Variants in DENND1A observed in about 807,000 individuals in gnomAD.
DENND1A encodes the protein DENN domain containing 1A.
DENND1A carries 51 observed loss-of-function variants against 113.7 expected under a neutral mutation model. The observed-to-expected ratio is 0.45, with a 90% CI of 0.36 to 0.57. DENND1A has a LOEUF of 0.57. Among genes scored for constraint, DENND1A ranks in the 20% least tolerant of loss-of-function variants. The pLI is 0.00. For synonymous variants in DENND1A, 565 were observed against 570.8 expected, an observed-to-expected ratio of 0.99 and a Z score of 0.14; for missense variants, 1,258 against 1,395.9, an observed-to-expected ratio of 0.90 and a Z score of 1.57.
intron 10 of DENND1A, among the ~76,000 whole-genome samples, chr9:123,619,578 C>T (rs985424564): frequency 2.0e-5 from 3 of 152,128 alleles, no homozygotes; most frequent in Non-Finnish European, 2.9e-5. Context: ...CACCATCACA[C>T]CTGGCTAATT....
intron 7 of DENND1A, 24 bp from the exon 8 acceptor site, chr9:123,667,103 T>C (rs1348801746): frequency 2.5e-6 from 4 of 1,586,856 alleles, no homozygotes; most frequent in African/African-American, 1.4e-5. Context: ...GCAAAAGTGA[T>C]TTATTTCTGC....
At chr9:123,478,745 C>G (rs1256812912) in intron 13 of DENND1A, among the ~76,000 whole-genome samples, 6 of 152,174 alleles carry the variant, frequency 3.9e-5, no homozygotes, top group Non-Finnish European at 2.9e-5. Flanking sequence ...CAGGTATTCA[C>G]CATAAAATTC....
intron 19 of DENND1A, among the ~76,000 whole-genome samples, chr9:123,437,177 A>G (rs1430820463): frequency 6.6e-6 from 1 of 152,116 alleles, no homozygotes; most frequent in African/African-American, 2.4e-5. Flanking sequence ...TATGCCCCAC[A>G]ATGGTAGGGA....
chr9:123,728,337 C>T (rs139402812), intron 5 of DENND1A, among the ~76,000 whole-genome samples: 3 of 151,312 alleles, frequency 2.0e-5, no homozygotes, highest in East Asian at 2.0e-4. Context: ...ATTAGCCAGG[C>T]GTGGTGGCAC....
chr9:123,381,477 T>TGGGGCCGGGGCC lies in DENND1A; in HGVS notation c.3156_3167dup (p.Ala1053_Pro1056dup), dbSNP rs751587146. 1.6e-5 allele frequency: 26 copies of TGGGGCCGGGGCC among 1,613,344 alleles called. No individual in the cohort carries two copies. In the African/African-American group the frequency reaches 2.3e-4, roughly 14 times the overall value. ...GCTTCCTGAGCTGCTCCACCGAGTC[T>TGGGGCCGGGGCC]GGGGCCGGGGCCAGGGCCGGACTCG... On this transcript the variant is annotated inframe_insertion, in exon 24 of 24. Coordinates refer to ENST00000394215, the MANE Select transcript of DENND1A (RefSeq NM_001352964.2). The surrounding 1 kb of genome is among the most constrained non-coding windows in gnomAD (Gnocchi z 4.7).
intron 9 of DENND1A, among the ~76,000 whole-genome samples, chr9:123,648,363 C>T (rs1037238871): frequency 1.3e-5 from 2 of 152,206 alleles, no homozygotes; most frequent in Non-Finnish European, 2.9e-5. Flanking sequence ...AGGTGTAAGT[C>T]ATTGTGCCCA....
At chr9:123,860,089 G>A (rs995721061) in intron 2 of DENND1A, among the ~76,000 whole-genome samples, 6 of 152,238 alleles carry the variant, frequency 3.9e-5, no homozygotes, top group Non-Finnish European at 8.8e-5. Context: ...GGAAAGAGAA[G>A]GTGCACGCCT....
intron 2 of DENND1A, among the ~76,000 whole-genome samples, chr9:123,845,467 C>A (rs1272654236): frequency 1.3e-5 from 2 of 151,730 alleles, no homozygotes; most frequent in African/African-American, 4.8e-5. Context: ...GAGTTCAAGA[C>A]CAGCCTGGCC....
chr9:123,564,980 C>CTTTTTTTT lies in DENND1A; in HGVS notation c.868-7293_868-7286dup, dbSNP rs199613371. Among the ~76,000 whole-genome samples the CTTTTTTTT allele has an allele frequency of 4.7e-3, 353 of 75,706 alleles. 16 individuals carry two copies. Among genetic ancestry groups the CTTTTTTTT allele is most frequent in the Non-Finnish European group, 5.6e-3 (225 of 40,232 alleles). The allele number at this position is 75,706 out of a possible 152,430, so 49.7% of individuals were successfully genotyped here. On this transcript the variant is annotated intron_variant, in intron 12 of 23. Coordinates refer to ENST00000394215, the MANE Select transcript of DENND1A (RefSeq NM_001352964.2). ...AGAATCCAATTAATGTCTGTCCCTT[C>CTTTTTTTT]TTTTTTTTTTTTTTTTTTTTTTTTT...
At chr9:123,614,826 C>G (rs969029735) in intron 10 of DENND1A, among the ~76,000 whole-genome samples, 10 of 152,142 alleles carry the variant, frequency 6.6e-5, no homozygotes, top group African/African-American at 1.7e-4. Flanking sequence ...AATTAAATAC[C>G]CTGATCAGGC....
chr9:123,911,083 C>G (rs1853863147), intron 1 of DENND1A, among the ~76,000 whole-genome samples: 1 of 152,104 alleles, frequency 6.6e-6, no homozygotes, highest in Non-Finnish European at 1.5e-5. Flanking sequence ...AAGAAAAGAA[C>G]AGAGAACATA....
chr9:123,830,529 G>A (rs905081023), intron 2 of DENND1A, among the ~76,000 whole-genome samples: 2 of 151,888 alleles, frequency 1.3e-5, no homozygotes, highest in African/African-American at 2.4e-5. Context: ...TATAGCCACC[G>A]TGGTACTGAA....
At chr9:123,595,953 C>T (rs2059670035) in intron 11 of DENND1A, among the ~76,000 whole-genome samples, 1 of 152,182 alleles carries the variant, frequency 6.6e-6, no homozygotes, top group African/African-American at 2.4e-5. Context: ...TCTGACTCTG[C>T]TGGTGTTTTG....
intron 13 of DENND1A, among the ~76,000 whole-genome samples, chr9:123,513,285 G>C (rs992577782): frequency 6.6e-6 from 1 of 152,230 alleles, no homozygotes; most frequent in Non-Finnish European, 1.5e-5. Flanking sequence ...CAGAGACTGA[G>C]ATTGGAAGCC....
chr9:123,928,042 T>TA (rs1409646921), intron 1 of DENND1A, among the ~76,000 whole-genome samples: 1 of 152,260 alleles, frequency 6.6e-6, no homozygotes, highest in East Asian at 1.9e-4. Flanking sequence ...CCTAAGTTTT[T>TA]ATCACAGAGT....
intron 5 of DENND1A, among the ~76,000 whole-genome samples, chr9:123,734,960 A>G (rs1008292831): frequency 6.6e-6 from 1 of 152,166 alleles, no homozygotes; most frequent in African/African-American, 2.4e-5. Flanking sequence ...CCTCGCTACA[A>G]TCCTCCAAGG....
chr9:123,444,408 CT>C (rs1180673921), intron 18 of DENND1A, among the ~76,000 whole-genome samples: 1 of 152,178 alleles, frequency 6.6e-6, no homozygotes, highest in Non-Finnish European at 1.5e-5. Flanking sequence ...AATCCTAGCA[CT>C]TTGGGAGGCC....
At chr9:123,567,402 T>C (rs899324026) in intron 12 of DENND1A, among the ~76,000 whole-genome samples, 49 of 152,252 alleles carry the variant, frequency 3.2e-4, no homozygotes, top group Admixed American at 3.1e-3. Flanking sequence ...AGGAAACTTA[T>C]ATGTTTTTTA....
chr9:123,746,344 A>T (rs2069504374), intron 5 of DENND1A, among the ~76,000 whole-genome samples: 2 of 152,232 alleles, frequency 1.3e-5, no homozygotes, highest in African/African-American at 4.8e-5. Flanking sequence ...ACCAAATGAC[A>T]GCCAAGTAAA....
Sources: allele counts gnomAD v4.1 joint callset (sites outside exome capture counted in the v4.1 genomes callset), GRCh38; gene constraint gnomAD v4.1.1; non-coding constraint Gnocchi (gnomAD v3.1); transcripts MANE v1.5; gene names NCBI Gene and HGNC (gene_info 2026-07-23, HGNC 2026-07-21).